PRKG2: variants seen among roughly 807,000 people sequenced by gnomAD.
PRKG2 encodes protein kinase cGMP-dependent 2, also known as cGMP-dependent protein kinase 2.
In PRKG2, 33 loss-of-function variants were observed where a neutral mutation model predicts 97.2. The ratio of observed to expected loss-of-function variants is 0.34; its 90% CI spans 0.26 to 0.45. The LOEUF is 0.45. Among genes scored for constraint, PRKG2 ranks in the 20% least tolerant of loss-of-function variants. The pLI, the probability that PRKG2 is intolerant of heterozygous loss-of-function variation, is 1.00. For synonymous variants in PRKG2, 330 were observed against 321.8 expected, an observed-to-expected ratio of 1.03 and a Z score of -0.27; for missense variants, 638 against 900.0, an observed-to-expected ratio of 0.71 and a Z score of 3.73.
At chr4:81,164,367 A>G (rs1749809861) in intron 6 of PRKG2, among the ~76,000 whole-genome samples, 1 of 152,036 alleles carries the variant, frequency 6.6e-6, no homozygotes, top group Non-Finnish European at 1.5e-5. Context: ...CCCCACCTTT[A>G]GCTCAATGGT....
At chr4:81,180,936 T>C (rs1355015773) in intron 2 of PRKG2, among the ~76,000 whole-genome samples, 2 of 151,914 alleles carry the variant, frequency 1.3e-5, no homozygotes, top group East Asian at 1.9e-4. Context: ...TGCACCCTAA[T>C]TAACTCATCA....
In PRKG2 at chr4:81,094,410, ATTTG is replaced by A. The variant is rs752238734; in HGVS notation, c.2127-1962_2127-1959del. Among the ~76,000 whole-genome samples the A allele has an allele frequency of 1.5e-3, 221 of 152,282 alleles. 1 individual carries two copies. The highest frequency in any genetic ancestry group is 4.3e-3 in the African/African-American group (180 of 41,578). On this transcript the variant is annotated intron_variant, in intron 17 of 18. Transcript: ENST00000264399. ...AATCTGATGCCAAACTTTAGAAGAA[ATTTG>A]TTTGTTTGTTTGTTTGTTTTTTAAT...
intron 1 of PRKG2, among the ~76,000 whole-genome samples, chr4:81,212,296 C>A (rs1332701649): frequency 1.3e-5 from 2 of 151,490 alleles, no homozygotes; most frequent in Non-Finnish European, 2.9e-5. Flanking sequence ...CCTCCCACCC[C>A]CCCAGCAGAA....
chr4:81,120,950 A>G (rs1403620638), intron 14 of PRKG2, among the ~76,000 whole-genome samples: 1 of 152,204 alleles, frequency 6.6e-6, no homozygotes, highest in Non-Finnish European at 1.5e-5. Context: ...ATTCTTTATC[A>G]TGTCGAGAAA....
chr4:81,200,322 GT>G (rs1466845974), intron 2 of PRKG2, among the ~76,000 whole-genome samples: 1 of 152,100 alleles, frequency 6.6e-6, no homozygotes, highest in Non-Finnish European at 1.5e-5. Context: ...ATATGCCACA[GT>G]TGCTGCCATC....
chr4:81,178,493 T>A (rs1751122565), intron 2 of PRKG2, among the ~76,000 whole-genome samples: 1 of 152,012 alleles, frequency 6.6e-6, no homozygotes, highest in African/African-American at 2.4e-5. Context: ...TCAGGACAAA[T>A]GGAGATGTCA....
chr4:81,190,676 GCAATCTTTCTATTTGA>G (rs1752407366), intron 2 of PRKG2, among the ~76,000 whole-genome samples: 1 of 152,036 alleles, frequency 6.6e-6, no homozygotes, highest in Non-Finnish European at 1.5e-5. Flanking sequence ...GAAAAAGTTT[GCAATCTTTCTATTTGA>G]CAAAGGGCTA....
At chr4:81,188,947 G>A (rs1404562809) in intron 2 of PRKG2, among the ~76,000 whole-genome samples, 5 of 81,358 alleles carry the variant, frequency 6.1e-5, no homozygotes, top group East Asian at 4.6e-4. Flanking sequence ...TGGGTGCAGC[G>A]CACCAGCATG....
intron 14 of PRKG2, among the ~76,000 whole-genome samples, chr4:81,118,904 C>A (rs972620406): frequency 2.8e-4 from 43 of 152,276 alleles, no homozygotes; most frequent in African/African-American, 9.9e-4. Flanking sequence ...AGGCAATCCT[C>A]CCACCTCAGG....
chr4:81,118,205 T>C (rs1479781966), intron 14 of PRKG2, among the ~76,000 whole-genome samples: 1 of 152,240 alleles, frequency 6.6e-6, no homozygotes, highest in Non-Finnish European at 1.5e-5. Flanking sequence ...AATACTCCAT[T>C]GTCTGGATTT....
chr4:81,176,185 G>C (rs1359659828), intron 2 of PRKG2: 1 of 152,058 alleles, frequency 6.6e-6, no homozygotes, highest in East Asian at 1.9e-4. Flanking sequence ...TGAGTGCCTT[G>C]AGAAGTTCCA....
In PRKG2 at chr4:81,129,820, A is replaced by T. The variant is rs190634165; in HGVS notation, c.1776+5335T>A. ...TCTGTGTCTTTTAATTGGGGCATTT[A>T]GCTTGTTTACACTTAAGGTTAATAT... On this transcript the variant is annotated intron_variant, in intron 14 of 18. Coordinates refer to ENST00000264399, the MANE Select transcript of PRKG2 (RefSeq NM_006259.3). 3.9e-5 allele frequency among the ~76,000 whole-genome samples: 6 copies of T among 152,276 alleles called. No homozygotes were observed. The East Asian group carries it at 1.2e-3, about 29-fold the overall frequency.
At chr4:81,208,712 C>G (rs533719337) in intron 1 of PRKG2, among the ~76,000 whole-genome samples, 5 of 152,130 alleles carry the variant, frequency 3.3e-5, no homozygotes, top group Non-Finnish European at 5.9e-5. Flanking sequence ...TAAAGATGCA[C>G]ATTATTCCTT....
At chr4:81,144,403 A>C in intron 9 of PRKG2, 73 bp from the exon 10 acceptor site, 1 of 1,180,776 alleles carries the variant, frequency 8.5e-7, no homozygotes, top group Non-Finnish European at 1.2e-6. Context: ...TTCTAAGCTC[A>C]TAAAACACAA....
rs1197891731 is a variant in PRKG2 at position 81,154,047 on chromosome 4, G to A, written c.913-326C>T. The A allele has an allele frequency of 4.6e-5, 8 of 174,828 alleles. No individual in the cohort carries two copies. The South Asian group carries it at 8.5e-4, about 18-fold the overall frequency. The allele number at this position is 174,828 out of a possible 1,614,324, so 10.8% of individuals were successfully genotyped here. A position where few individuals can be genotyped will look rare whatever the true frequency, so the allele number is the denominator to read the frequency against. On this transcript the variant is annotated intron_variant, in intron 6 of 18. Transcript: ENST00000264399. ...ATCGGGTCACTCTCACCCGAATATC[G>A]CGCTTTTGGGACGGCCTTAAAAAAA...
At chr4:81,132,633 C>T (rs1238574993) in intron 14 of PRKG2, among the ~76,000 whole-genome samples, 1 of 152,116 alleles carries the variant, frequency 6.6e-6, no homozygotes, top group Non-Finnish European at 1.5e-5. Flanking sequence ...TGAATATCTA[C>T]TCTTTGTTTC....
intron 2 of PRKG2, among the ~76,000 whole-genome samples, chr4:81,178,010 T>C (rs954138778): frequency 2.7e-5 from 4 of 149,054 alleles, no homozygotes; most frequent in Non-Finnish European, 6.0e-5. Context: ...AGTGGGATGA[T>C]AGGATGCTTA....
rs1741654544 is a variant in PRKG2, at chr4:81,092,466, A to AAGGAAGGAAGGAAGGG, written c.2127-15_2127-14insCCCTTCCTTCCTTCCT. On this transcript the variant is annotated splice_polypyrimidine_tract_variant and intron_variant, in intron 17 of 18. Transcript: ENST00000264399. ...CCATTTAACCACCTGAGAAATGAGA[A>AAGGAAGGAAGGAAGGG]AGGAAGGAAGGAAGGAAGGAAGGAA... 2.3e-6 allele frequency: 1 copy of AAGGAAGGAAGGAAGGG among 430,926 alleles called. No homozygotes were observed. The allele number at this position is 430,926 out of a possible 1,614,324, so 26.7% of individuals were successfully genotyped here. A position where few individuals can be genotyped will look rare whatever the true frequency, so the allele number is the denominator to read the frequency against.
chr4:81,187,011 A>G (rs943739353), intron 2 of PRKG2, among the ~76,000 whole-genome samples: 1 of 152,080 alleles, frequency 6.6e-6, no homozygotes, highest in African/African-American at 2.4e-5. Flanking sequence ...AAAGCCCAAA[A>G]CCAGACAGAT....
Sources: gnomAD v4.1 joint callset for allele counts (sites outside exome capture counted in the v4.1 genomes callset) on GRCh38, gnomAD v4.1.1 for gene constraint, MANE v1.5 for transcripts, NCBI Gene and HGNC (gene_info 2026-07-23, HGNC 2026-07-21) for gene names.